HK1: variants seen among roughly 807,000 people sequenced by gnomAD.
HK1 encodes hexokinase 1.
Under a neutral mutation model 91.6 loss-of-function variants are expected in HK1, and 28 were observed. The observed-to-expected ratio is 0.31, with a 90% CI of 0.23 to 0.42. HK1 has a LOEUF of 0.42. Among genes scored for constraint, HK1 ranks in the 10% least tolerant of loss-of-function variants. HK1 has a pLI of 1.00. For missense variants in HK1, 770 were observed against 1,219.8 expected (o/e 0.63, Z 5.49); for synonymous variants, 430 against 468.1 (o/e 0.92, Z 1.05).
rs746386560 is a variant in HK1 at position 69,338,631 on chromosome 10, T to C, written c.64-5196T>C. On this transcript the variant is annotated intron_variant, in intron 1 of 17. Coordinates refer to ENST00000359426, the MANE Select transcript of HK1 (RefSeq NM_000188.3). The stretch of plus-strand genomic sequence containing the variant: ...TTTGGCTGGAGCAGTAAAGCAGCGG[T>C]GATGTGGAGGCAGCACCTAAGAGAA... 6.2e-6 allele frequency: 8 copies of C among 1,287,694 alleles called. No homozygotes were observed. In the South Asian group the frequency reaches 9.9e-5, roughly 16 times the overall value. 79.8% of individuals were successfully genotyped at this position (1,287,694 alleles called of 1,614,324 possible). A position where few individuals can be genotyped will look rare whatever the true frequency, so the allele number is the denominator to read the frequency against.
intron 1 of HK1, among the ~76,000 whole-genome samples, chr10:69,282,131 C>T (rs938825659): frequency 7.2e-5 from 11 of 152,144 alleles, no homozygotes; most frequent in African/African-American, 1.4e-4. Context: ...CTGTAAGCGT[C>T]GGCTTCCCTC....
rs1849911202 is a variant in HK1 at position 69,369,914 on chromosome 10, T to C, written c.875+290T>C. 6.6e-6 allele frequency among the ~76,000 whole-genome samples: 1 copy of C among 152,090 alleles called. No homozygotes were observed. Among genetic ancestry groups the C allele is most frequent in the Non-Finnish European group, 1.5e-5 (1 of 68,028 alleles). On this transcript the variant is annotated intron_variant, in intron 7 of 17. Transcript: ENST00000359426. The surrounding 1 kb of genome is among the most constrained non-coding windows in gnomAD (Gnocchi z 4.4). ...CACCATGCCCAGCTAATTTTTGTAT[T>C]TTTAGTAGAGACAGAGTTTCACCAT...
chr10:69,333,194 C>G (rs1469033478), intron 1 of HK1, among the ~76,000 whole-genome samples: 1 of 152,234 alleles, frequency 6.6e-6, no homozygotes, highest in African/African-American at 2.4e-5. Flanking sequence ...TGGCCGAGGC[C>G]TGAGGTCTTT....
At chr10:69,305,257 C>T (rs1589457013) in intron 5 of HK1, among the ~76,000 whole-genome samples, 1 of 152,158 alleles carries the variant, frequency 6.6e-6, no homozygotes, top group Non-Finnish European at 1.5e-5. Context: ...CTGAGACACT[C>T]TCACTTTCAT....
chr10:69,302,927 G>C (rs976017518), intron 5 of HK1, among the ~76,000 whole-genome samples: 12 of 151,624 alleles, frequency 7.9e-5, no homozygotes, highest in African/African-American at 2.9e-4. Context: ...GCGATGAGGG[G>C]CTAGTTCTGC....
At chr10:69,371,319 C>CG (rs1849988763) in intron 7 of HK1, among the ~76,000 whole-genome samples, 2 of 144,800 alleles carry the variant, frequency 1.4e-5, no homozygotes, top group Non-Finnish European at 3.0e-5. Context: ...TTACCATACC[C>CG]CCCCCCACCC....
chr10:69,369,288 A>G lies in HK1; in HGVS notation c.643A>G (p.Met215Val). 6 of 1,614,218 alleles carry G rather than the reference A, an allele frequency of 3.7e-6. No individual in the cohort carries two copies. Among genetic ancestry groups the G allele is most frequent in the Non-Finnish European group, 4.2e-6 (5 of 1,180,014 alleles). The change falls in exon 6 of 18, where the codon ATG (methionine) becomes GTG (valine). Residue 215 changes from methionine to valine, a missense_variant. This residue lies in a region of HK1 where 449 missense variants were observed against 665.1 expected (regional missense o/e 0.68). Transcript: ENST00000359426. This position sits in a 1 kb window ranked among gnomAD's most constrained non-coding sequence, Gnocchi z 4.4. Reference sequence around the variant, plus strand: ...GGTGAATGACACAGTGGGCACCATGATGACCTGTGGCTATGACGACCAGCA... The same window carrying G: ...GGTGAATGACACAGTGGGCACCATGGTGACCTGTGGCTATGACGACCAGCA... ...AVVNDTVGTM[M>V]TCGYDDQHCE...
upstream of HK1, chr10:69,315,857 G>T (rs1846609984): frequency 2.4e-6 from 3 of 1,246,964 alleles, no homozygotes; most frequent in Admixed American, 3.4e-5. Flanking sequence ...CTGGAGTCCT[G>T]GCTCAAAACT....
At chr10:69,318,186 T>C (rs1479148690), upstream of HK1, 1 of 985,268 alleles carries the variant, frequency 1.0e-6, no homozygotes, top group East Asian at 1.1e-4. Flanking sequence ...CAGCTGGAGA[T>C]TAGGCGGGGC....
chr10:69,299,255 C>T (rs1425933207), intron 4 of HK1, among the ~76,000 whole-genome samples: 1 of 113,092 alleles, frequency 8.8e-6, no homozygotes, highest in Non-Finnish European at 2.1e-5. Flanking sequence ...TCACTGCAGC[C>T]TCCACCCCGT....
chr10:69,306,464 G>C (rs998726213), intron 5 of HK1, among the ~76,000 whole-genome samples: 39 of 152,184 alleles, frequency 2.6e-4, no homozygotes, highest in African/African-American at 8.9e-4. Flanking sequence ...GGGAAGGGTA[G>C]ATAAAAGAGA....
chr10:69,382,252 G>A (rs947743866), intron 9 of HK1, among the ~76,000 whole-genome samples: 5 of 152,128 alleles, frequency 3.3e-5, no homozygotes, highest in East Asian at 1.9e-4. Context: ...TTAGCCGGGC[G>A]TGGCCCCAGC....
rs147848306 is a variant in HK1, at chr10:69,339,390, A to G, written c.64-4437A>G. On this transcript the variant is annotated intron_variant, in intron 1 of 17. Transcript: ENST00000359426. ...GGGCTTCCCTTCATTGTCCTCATTCATGTAAAATCCAGGAGGCCCCAGTTT... is the reference window on the plus strand; with the variant it reads ...GGGCTTCCCTTCATTGTCCTCATTCGTGTAAAATCCAGGAGGCCCCAGTTT... Among the ~76,000 whole-genome samples the G allele has an allele frequency of 4.5e-3, 687 of 152,310 alleles. 3 individuals carry two copies. The highest frequency in any genetic ancestry group is 7.7e-3 in the Non-Finnish European group (523 of 68,026).
intron 12 of HK1, among the ~76,000 whole-genome samples, chr10:69,386,022 G>T (rs1337126716): frequency 6.6e-6 from 1 of 152,218 alleles, no homozygotes; most frequent in African/African-American, 2.4e-5. Flanking sequence ...TTGGAATCGG[G>T]TGATCTGGGC....
intron 2 of HK1, among the ~76,000 whole-genome samples, chr10:69,286,981 C>T (rs1400432519): frequency 6.6e-6 from 1 of 152,146 alleles, no homozygotes; most frequent in East Asian, 1.9e-4. Flanking sequence ...TTTGGTTATG[C>T]ACTCCATCAG....
chr10:69,384,399 G>A lies in HK1; in HGVS notation c.1637G>A (p.Arg546His), dbSNP rs548019222. The change falls in exon 11 of 18, where the codon CGT becomes CAT. Residue 546 changes from arginine to histidine, a missense_variant. By Grantham distance (29) the Arg-to-His change is conservative (BLOSUM62 0). This residue lies in a region of HK1 where 48 missense variants were observed against 128.2 expected (regional missense o/e 0.37). Coordinates refer to ENST00000359426, the MANE Select transcript of HK1 (RefSeq NM_000188.3). Reference protein sequence around the residue: ...TNFRVLLVKIRSGKKRTVEMH... With the variant: ...TNFRVLLVKIHSGKKRTVEMH... Reference sequence around the variant, plus strand: ...TTCCGTGTGCTGCTGGTGAAAATCCGTAGTGGGAAAAAGAGAACGGTGGAA... The same window carrying A: ...TTCCGTGTGCTGCTGGTGAAAATCCATAGTGGGAAAAAGAGAACGGTGGAA... 1.6e-5 allele frequency: 26 copies of A among 1,614,228 alleles called. No individual in the cohort carries two copies. In the East Asian group the frequency reaches 1.8e-4, roughly 11 times the overall value.
intron 1 of HK1, among the ~76,000 whole-genome samples, chr10:69,337,822 C>G (rs12245854): frequency 6.6e-6 from 1 of 152,200 alleles, no homozygotes; most frequent in African/African-American, 2.4e-5. Context: ...TTTTCCATGG[C>G]TGTGCACCCT....
chr10:69,391,500 C>T lies in HK1; in HGVS notation c.2036-625C>T, dbSNP rs148988359. Among the ~76,000 whole-genome samples, 489 of 152,256 alleles carry T rather than the reference C, an allele frequency of 3.2e-3. 3 individuals carry two copies. Among genetic ancestry groups the T allele is most frequent in the African/African-American group, 0.011 (453 of 41,536 alleles). ...CTACTAAAAATTTTAAAAAATTAGC[C>T]AGGCATGATGGTGGTGCCTGTAGTC... On this transcript the variant is annotated intron_variant, in intron 14 of 17. Coordinates refer to ENST00000359426, the MANE Select transcript of HK1 (RefSeq NM_000188.3).
At chr10:69,348,329 G>A (rs986435471) in intron 2 of HK1, among the ~76,000 whole-genome samples, 1 of 152,118 alleles carries the variant, frequency 6.6e-6, no homozygotes. Context: ...TCCAGTCAAC[G>A]GAAGGAAAAT....
Sources: allele counts gnomAD v4.1 joint callset (sites outside exome capture counted in the v4.1 genomes callset), GRCh38; gene constraint gnomAD v4.1.1; regional missense constraint gnomAD v4.1.1; non-coding constraint Gnocchi (gnomAD v3.1); transcripts MANE v1.5; gene names NCBI Gene and HGNC (gene_info 2026-07-23, HGNC 2026-07-21).